The following PLCL1 variants were observed in gnomAD, a reference collection of about 807,000 sequenced individuals.
PLCL1 encodes the protein phospholipase C like 1 (inactive).
PLCL1 carries 41 observed loss-of-function variants against 84.4 expected under a neutral mutation model. The ratio of observed to expected loss-of-function variants is 0.49; its 90% CI spans 0.38 to 0.63. PLCL1 has a LOEUF of 0.63. PLCL1 is among the 30% of genes least tolerant of loss of function. The pLI, the probability that PLCL1 is intolerant of heterozygous loss-of-function variation, is 0.00. For synonymous variants in PLCL1, 490 were observed against 488.3 expected (o/e 1.00, Z -0.05); for missense variants, 1,206 against 1,367.8 (o/e 0.88, Z 1.87).
intron 1 of PLCL1, among the ~76,000 whole-genome samples, chr2:197,864,895 C>T (rs777910449): frequency 6.6e-6 from 1 of 152,194 alleles, no homozygotes; most frequent in Admixed American, 6.5e-5. Context: ...AATGTTCACT[C>T]AGTCTTTATT....
At chr2:197,960,890 C>T (rs1036846330) in intron 1 of PLCL1, among the ~76,000 whole-genome samples, 5 of 152,014 alleles carry the variant, frequency 3.3e-5, no homozygotes, top group African/African-American at 1.2e-4. Context: ...AGAAGTCATC[C>T]TTCATAAAAG....
intron 1 of PLCL1, among the ~76,000 whole-genome samples, chr2:198,033,354 C>A (rs1403658058): frequency 6.6e-6 from 1 of 152,116 alleles, no homozygotes; most frequent in Non-Finnish European, 1.5e-5. Context: ...GCCACATTTT[C>A]CAAAGAATTG....
At chr2:198,041,353 C>T (rs929164994) in intron 1 of PLCL1, among the ~76,000 whole-genome samples, 28 of 152,078 alleles carry the variant, frequency 1.8e-4, no homozygotes, top group Admixed American at 1.0e-3. Flanking sequence ...ATATTTTGAC[C>T]GAAATAAGTA....
intron 1 of PLCL1, among the ~76,000 whole-genome samples, chr2:197,965,722 A>G (rs900368851): frequency 6.6e-6 from 1 of 152,044 alleles, no homozygotes; most frequent in Non-Finnish European, 1.5e-5. Flanking sequence ...GCTATATCCC[A>G]TAGGTTTTAG....
chr2:197,916,441 A>G (rs1688601773), intron 1 of PLCL1, among the ~76,000 whole-genome samples: 2 of 152,122 alleles, frequency 1.3e-5, no homozygotes, highest in African/African-American at 2.4e-5. Flanking sequence ...CAGTTTTCTC[A>G]TTTATAAAAC....
chr2:197,959,792 G>A (rs193085581), intron 1 of PLCL1, among the ~76,000 whole-genome samples: 128 of 152,166 alleles, frequency 8.4e-4, no homozygotes, highest in African/African-American at 3.0e-3. Flanking sequence ...CATGACAACA[G>A]TGTAGCTGAG....
At chr2:198,113,997 A>T (rs1693681704) in intron 5 of PLCL1, among the ~76,000 whole-genome samples, 1 of 151,754 alleles carries the variant, frequency 6.6e-6, no homozygotes, top group African/African-American at 2.4e-5. Context: ...AGCTGAAAAG[A>T]TGCAGAGAGA....
At chr2:197,904,135 T>C (rs1167614428) in intron 1 of PLCL1, among the ~76,000 whole-genome samples, 2 of 152,192 alleles carry the variant, frequency 1.3e-5, no homozygotes, top group Non-Finnish European at 2.9e-5. Flanking sequence ...TTTTAGGTAT[T>C]AATTACATAA....
chr2:197,890,231 G>T (rs1175271108), intron 1 of PLCL1, among the ~76,000 whole-genome samples: 1 of 152,102 alleles, frequency 6.6e-6, no homozygotes, highest in Non-Finnish European at 1.5e-5. Flanking sequence ...CATTTCCACT[G>T]GAAGCCACAG....
At chr2:197,996,659 C>T (rs1690473433) in intron 1 of PLCL1, among the ~76,000 whole-genome samples, 1 of 151,910 alleles carries the variant, frequency 6.6e-6, no homozygotes, top group Non-Finnish European at 1.5e-5. Context: ...AGCAGCTATA[C>T]TTCTGCAGAA....
chr2:198,074,898 T>A (rs1326415171), intron 1 of PLCL1, among the ~76,000 whole-genome samples: 1 of 152,216 alleles, frequency 6.6e-6, no homozygotes, highest in African/African-American at 2.4e-5. Context: ...TAATTACATA[T>A]AATTTTCTGA....
At chr2:197,992,029 G>C (rs554786044) in intron 1 of PLCL1, among the ~76,000 whole-genome samples, 1 of 151,500 alleles carries the variant, frequency 6.6e-6, no homozygotes, top group African/African-American at 2.4e-5. Flanking sequence ...CCCCTTGCTT[G>C]CTTCTCAGCA....
At chr2:197,811,526 TATC>T (rs1316119560) in intron 1 of PLCL1, among the ~76,000 whole-genome samples, 1 of 152,210 alleles carries the variant, frequency 6.6e-6, no homozygotes, top group Admixed American at 6.5e-5. Context: ...TTGTTTACAT[TATC>T]ATTATCACTT....
chr2:197,911,177 G>C (rs1688477475), intron 1 of PLCL1, among the ~76,000 whole-genome samples: 1 of 151,592 alleles, frequency 6.6e-6, no homozygotes, highest in African/African-American at 2.4e-5. Flanking sequence ...ACCCCATCTC[G>C]ACAAAAATAC....
intron 1 of PLCL1, among the ~76,000 whole-genome samples, chr2:197,881,138 C>A (rs941221661): frequency 1.3e-5 from 2 of 152,136 alleles, no homozygotes; most frequent in African/African-American, 4.8e-5. Context: ...TAACACAGTT[C>A]TTGGCATGTA....
chr2:197,835,880 T>C (rs947439616), intron 1 of PLCL1, among the ~76,000 whole-genome samples: 1 of 152,212 alleles, frequency 6.6e-6, no homozygotes, highest in Admixed American at 6.5e-5. Context: ...TAATGACTTC[T>C]GCAGGAGCCG....
At position 198,085,491 on chromosome 2, in the gene PLCL1, C is replaced by T. The variant is rs759817037; in HGVS notation, c.1974C>T (p.Asp658=). ...RIDSSNLNPQ[D]FWNCGCQIVA... is the part of the protein sequence containing the mutation. Reference sequence around the variant, plus strand: ...ATTCCAGTAACTTGAATCCACAGGACTTTTGGAATTGTGGCTGTCAGATTG... The same window carrying T: ...ATTCCAGTAACTTGAATCCACAGGATTTTTGGAATTGTGGCTGTCAGATTG... Residue 658 remains aspartate, a synonymous_variant, in exon 2 of 6, where the codon GAC becomes GAT. Transcript: ENST00000428675. The surrounding 1 kb of genome is among the most constrained non-coding windows in gnomAD (Gnocchi z 5.3). The T allele has an allele frequency of 6.2e-7, 1 of 1,613,950 alleles. No homozygotes were observed. The highest frequency in any genetic ancestry group is 1.1e-5 in the South Asian group (1 of 91,080).
At chr2:197,881,888 CCTT>C (rs1402282502) in intron 1 of PLCL1, among the ~76,000 whole-genome samples, 1 of 152,054 alleles carries the variant, frequency 6.6e-6, no homozygotes, top group African/African-American at 2.4e-5. Context: ...CTCTTACTCT[CCTT>C]ATTATCTGGA....
rs768038425 is a variant in PLCL1, at chr2:198,085,802, C to T, written c.2285C>T (p.Ser762Leu). ...ATACACGGAATTCCAGCGGATTGTTCGGAACAAAGAACTAAAACTGTACAG... is the reference window on the plus strand; with the variant it reads ...ATACACGGAATTCCAGCGGATTGTTTGGAACAAAGAACTAAAACTGTACAG... Reference protein sequence around the residue: ...IEIHGIPADCSEQRTKTVQQN... With the variant: ...IEIHGIPADCLEQRTKTVQQN... Residue 762 changes from serine (S) to leucine (L), a missense_variant, in exon 2 of 6, where the codon TCG becomes TTG. By Grantham distance (145) the Ser-to-Leu change is moderately radical. Coordinates refer to ENST00000428675, the MANE Select transcript of PLCL1 (RefSeq NM_006226.4). The surrounding 1 kb of genome is among the most constrained non-coding windows in gnomAD (Gnocchi z 5.3). 1.3e-5 allele frequency: 21 copies of T among 1,613,858 alleles called. No individual in the cohort carries two copies. Among genetic ancestry groups the T allele is most frequent in the South Asian group, 3.3e-5 (3 of 91,054 alleles).
Sources: allele counts gnomAD v4.1 joint callset (sites outside exome capture counted in the v4.1 genomes callset), GRCh38; gene constraint gnomAD v4.1.1; non-coding constraint Gnocchi (gnomAD v3.1); transcripts MANE v1.5; gene names NCBI Gene and HGNC (gene_info 2026-07-23, HGNC 2026-07-21).